MOSMO: variants seen among roughly 807,000 people sequenced by gnomAD.
MOSMO encodes the protein modulator of smoothened protein.
A neutral mutation model predicts 18.4 loss-of-function variants in MOSMO; 5 were observed. That is an observed-to-expected ratio of 0.27 (90% CI 0.14 to 0.57). The LOEUF (loss-of-function observed/expected upper bound fraction) is 0.57, where lower values mean the gene tolerates loss of function less well. Among genes scored for constraint, MOSMO ranks in the 20% least tolerant of loss-of-function variants. MOSMO has a pLI of 0.92. For missense variants in MOSMO, 138 were observed against 211.8 expected (o/e 0.65, Z 2.16); for synonymous variants, 82 against 82.3 (o/e 1.00, Z 0.02).
chr16:22,027,245 T>C (rs34206908), intron 1 of MOSMO, among the ~76,000 whole-genome samples: 11,666 of 152,284 alleles, frequency 0.077, 643 homozygotes, highest in South Asian at 0.25. Flanking sequence ...CTGTCCAAAA[T>C]AGCGGTTTGT....
At chr16:22,019,758 G>C (rs1298684819) in intron 1 of MOSMO, among the ~76,000 whole-genome samples, 2 of 152,160 alleles carry the variant, frequency 1.3e-5, no homozygotes, top group African/African-American at 2.4e-5. Flanking sequence ...TGTTCTGTTT[G>C]AGGTGATAGT....
intron 1 of MOSMO, among the ~76,000 whole-genome samples, chr16:22,062,651 T>A (rs1207642097): frequency 6.6e-6 from 1 of 152,136 alleles, no homozygotes; most frequent in East Asian, 1.9e-4. Context: ...TATATCGACA[T>A]AGCAACACAT....
At chr16:22,016,717 G>A (rs963222645) in intron 1 of MOSMO, among the ~76,000 whole-genome samples, 2 of 152,162 alleles carry the variant, frequency 1.3e-5, no homozygotes, top group Non-Finnish European at 2.9e-5. Context: ...TTTACGAGCC[G>A]TGTAATTGAT....
At chr16:22,074,418 G>A (rs1900922047) in intron 1 of MOSMO, among the ~76,000 whole-genome samples, 1 of 151,872 alleles carries the variant, frequency 6.6e-6, no homozygotes, top group African/African-American at 2.4e-5. Context: ...AAAGAATGTA[G>A]ACCAAAAAAA....
At chr16:22,062,588 G>A (rs1330825258) in intron 1 of MOSMO, among the ~76,000 whole-genome samples, 5 of 152,150 alleles carry the variant, frequency 3.3e-5, no homozygotes, top group African/African-American at 7.2e-5. Flanking sequence ...AAAGGGCTGG[G>A]ATTACAGATG....
chr16:22,043,795 C>T (rs899768257), intron 1 of MOSMO, among the ~76,000 whole-genome samples: 2 of 152,074 alleles, frequency 1.3e-5, no homozygotes, highest in African/African-American at 4.8e-5. Context: ...AATATATGAT[C>T]AGTTTAGGTA....
At chr16:22,087,901 A>G (rs550624197), downstream of MOSMO, among the ~76,000 whole-genome samples, 4 of 152,346 alleles carry the variant, frequency 2.6e-5, no homozygotes, top group African/African-American at 7.2e-5. Flanking sequence ...CAAAAATAAT[A>G]TAGGAAACAA....
intron 1 of MOSMO, among the ~76,000 whole-genome samples, chr16:22,043,426 A>T (rs996472481): frequency 3.9e-5 from 6 of 152,146 alleles, no homozygotes; most frequent in African/African-American, 1.4e-4. Flanking sequence ...CATTGCTCAC[A>T]TGGATGCTTA....
intron 1 of MOSMO, among the ~76,000 whole-genome samples, chr16:22,047,067 A>C (rs1900322682): frequency 6.6e-6 from 1 of 151,970 alleles, no homozygotes; most frequent in Non-Finnish European, 1.5e-5. Context: ...TCAGTTTTCT[A>C]CATATTTATA....
Position 22,083,799 on chromosome 16 carries a change from C to T in MOSMO, c.*2919C>T. 2.5e-6 allele frequency: 1 copy of T among 399,474 alleles called. No individual in the cohort carries two copies. Among genetic ancestry groups the T allele is most frequent in the South Asian group, 1.8e-5 (1 of 54,924 alleles). 24.7% of individuals were successfully genotyped at this position (399,474 alleles called of 1,614,324 possible). ...TTTGGAAGCTCCTATTGAACATACC[C>T]AAACATCTGTAAACATGAAAAATCT... On this transcript the variant is annotated 3_prime_UTR_variant, in exon 3 of 3. Coordinates refer to ENST00000542527, the MANE Select transcript of MOSMO (RefSeq NM_001164579.2).
rs565803502 is a variant in MOSMO at position 22,066,770 on chromosome 16, G to A, written c.107-8717G>A. ...AAACAGTAACAACAACAAATCCTGG[G>A]GAAGGAAGGAATTTGATTTCCATAG... is the stretch of plus-strand genomic sequence containing the variant. On this transcript the variant is annotated intron_variant, in intron 1 of 2. Transcript: ENST00000542527. Among the ~76,000 whole-genome samples the A allele has an allele frequency of 2.0e-4, 30 of 152,268 alleles. No homozygotes were observed. The East Asian group carries it at 5.8e-3, about 29-fold the overall frequency.
At chr16:22,090,278 C>G (rs1279557690), downstream of MOSMO, 1 of 152,228 alleles carries the variant, frequency 6.6e-6, no homozygotes, top group Non-Finnish European at 1.5e-5. Flanking sequence ...CTGTTAACAT[C>G]ACTTTAGCTT....
At chr16:22,058,358 G>A (rs555417675) in intron 1 of MOSMO, among the ~76,000 whole-genome samples, 2 of 151,764 alleles carry the variant, frequency 1.3e-5, no homozygotes, top group East Asian at 1.9e-4. Context: ...TCCAGGAGGC[G>A]GAGGTTGCAG....
At chr16:22,008,974 G>A (rs1269984448) in intron 1 of MOSMO, among the ~76,000 whole-genome samples, 3 of 152,074 alleles carry the variant, frequency 2.0e-5, no homozygotes, top group Non-Finnish European at 2.9e-5. Context: ...CGGGCTGCGG[G>A]CGCTGACCCC....
chr16:22,047,580 T>C (rs1900338916), intron 1 of MOSMO, among the ~76,000 whole-genome samples: 1 of 152,174 alleles, frequency 6.6e-6, no homozygotes, highest in Non-Finnish European at 1.5e-5. Flanking sequence ...TATTGATAGA[T>C]ATTTAGTAAT....
rs745485136 is a variant in MOSMO, at chr16:22,058,621, A to G, written c.107-16866A>G. Among the ~76,000 whole-genome samples the G allele has an allele frequency of 6.8e-4, 103 of 152,086 alleles. 2 individuals are homozygous for G. The highest frequency in any genetic ancestry group is 3.1e-4 in the Non-Finnish European group (21 of 67,990). On this transcript the variant is annotated intron_variant, in intron 1 of 2. Transcript: ENST00000542527. ...CTTAGTGATTTCAGAGTGGGAACCT[A>G]TGGGGGAAAGAAGGGGAAGGAGTTA...
At chr16:22,022,496 A>G (rs969482777) in intron 1 of MOSMO, among the ~76,000 whole-genome samples, 1 of 152,168 alleles carries the variant, frequency 6.6e-6, no homozygotes, top group Admixed American at 6.5e-5. Flanking sequence ...AAGTGTGATG[A>G]CAGATTGTAC....
rs572014514 is a variant in MOSMO at position 22,056,192 on chromosome 16, A to G, written c.107-19295A>G. Among the ~76,000 whole-genome samples, 8 of 152,138 alleles carry G rather than the reference A, an allele frequency of 5.3e-5. 1 individual carries two copies. The East Asian group carries it at 9.7e-4, about 18-fold the overall frequency. On this transcript the variant is annotated intron_variant, in intron 1 of 2. Transcript: ENST00000542527. ...GTAGCTTTGCCCGGAAGCCCTCTCTATTTGGGGACTAGGCTTATTTAGTTC... is the reference window on the plus strand; with the variant it reads ...GTAGCTTTGCCCGGAAGCCCTCTCTGTTTGGGGACTAGGCTTATTTAGTTC...
chr16:22,036,699 C>G (rs909750070), intron 1 of MOSMO, among the ~76,000 whole-genome samples: 4 of 152,266 alleles, frequency 2.6e-5, no homozygotes, highest in Middle Eastern at 3.4e-3. Flanking sequence ...CCCCCACCCC[C>G]ACTTGGCCTC....
Sources: allele counts gnomAD v4.1 joint callset (sites outside exome capture counted in the v4.1 genomes callset), GRCh38; gene constraint gnomAD v4.1.1; transcripts MANE v1.5; gene names NCBI Gene and HGNC (gene_info 2026-07-23, HGNC 2026-07-21).